The following NFYB variants were observed in gnomAD, a reference collection of about 807,000 sequenced individuals.
NFYB encodes nuclear transcription factor Y subunit beta, also known as CAAT box DNA-binding protein subunit B.
A neutral mutation model predicts 28.0 loss-of-function variants in NFYB; 13 were observed. That is an observed-to-expected ratio of 0.46 (90% CI 0.30 to 0.74). NFYB has a LOEUF of 0.74. NFYB is among the 30% of genes least tolerant of loss of function. The probability of loss-of-function intolerance (pLI) is 0.07; values close to 1 mark genes in which losing one functional copy is unlikely to be tolerated. For missense variants in NFYB, 142 were observed against 247.6 expected (o/e 0.57, Z 2.86); for synonymous variants, 74 against 75.0 (o/e 0.99, Z 0.07).
chr12:104,128,030 T>C (rs1357173620), intron 3 of NFYB, among the ~76,000 whole-genome samples: 2 of 152,128 alleles, frequency 1.3e-5, no homozygotes, highest in Non-Finnish European at 2.9e-5. Context: ...TAATATTGAA[T>C]GAAAACCAAA....
chr12:104,133,148 G>A (rs2030985209), intron 2 of NFYB, among the ~76,000 whole-genome samples: 1 of 151,892 alleles, frequency 6.6e-6, no homozygotes, highest in Non-Finnish European at 1.5e-5. Context: ...TACATTTATT[G>A]AACACTTTCT....
At position 104,135,439 on chromosome 12, in the gene NFYB, T is replaced by C; in HGVS notation, c.6+9A>G. 6.3e-7 allele frequency: 1 copy of C among 1,587,068 alleles called. No homozygotes were observed. Among genetic ancestry groups the C allele is most frequent in the Non-Finnish European group, 8.5e-7 (1 of 1,170,150 alleles). Reference sequence around the variant, plus strand: ...CTAATTAACAACCAAAATGGTAAAATATACTTACTGTCATGAAATACTGTC... The same window carrying C: ...CTAATTAACAACCAAAATGGTAAAACATACTTACTGTCATGAAATACTGTC... On this transcript the variant is annotated intron_variant, in intron 2 of 7. Coordinates refer to ENST00000240055, the MANE Select transcript of NFYB (RefSeq NM_006166.4).
chr12:104,127,474 A>C (rs181736447), intron 3 of NFYB, among the ~76,000 whole-genome samples: 94 of 152,008 alleles, frequency 6.2e-4, no homozygotes, highest in Non-Finnish European at 1.1e-3. Context: ...AGGCTGAGGC[A>C]GGAGAATTGC....
In NFYB at chr12:104,123,241, A is replaced by T; in HGVS notation, c.414T>A (p.Leu138=). 6.2e-7 allele frequency: 1 copy of T among 1,610,522 alleles called. No homozygotes were observed. The highest frequency in any genetic ancestry group is 8.5e-7 in the Non-Finnish European group (1 of 1,178,478). The change falls in exon 5 of 8, where the codon CTT becomes CTA. Residue 138 remains leucine (L), a synonymous_variant. Transcript: ENST00000240055. ...DSYVEPLKLY[L]QKFREAMKGE... ...TTTTATTTACCTCTCTGAATTTCTG[A>T]AGGTATAATTTCAGAGGTTCCACAT...
At chr12:104,130,262 TA>T (rs1241844884) in intron 2 of NFYB, among the ~76,000 whole-genome samples, 1 of 152,204 alleles carries the variant, frequency 6.6e-6, no homozygotes, top group African/African-American at 2.4e-5. Flanking sequence ...AGTATAAACT[TA>T]ATGTTATTAA....
chr12:104,120,325 G>A, intron 7 of NFYB, 75 bp downstream of exon 7: 1 of 1,262,238 alleles, frequency 7.9e-7, no homozygotes, highest in African/African-American at 1.5e-5. Context: ...AAGGTGCTGG[G>A]ATTACAGGCA....
At chr12:104,137,941 C>A (rs1196704664) in intron 1 of NFYB, 200 bp downstream of exon 1, 2 of 145,846 alleles carry the variant, frequency 1.4e-5, no homozygotes, top group African/African-American at 2.5e-5. Flanking sequence ...GCCCCGCGCC[C>A]GCTCCCCGGC....
At chr12:104,131,614 A>G (rs1163257026) in intron 2 of NFYB, 1 of 388,260 alleles carries the variant, frequency 2.6e-6, no homozygotes, top group Non-Finnish European at 5.1e-6. Context: ...TATATATAAG[A>G]ATGATGGAAA....
At chr12:104,121,349 G>C (rs1328148138) in intron 5 of NFYB, 28 bp from the exon 6 acceptor site, 1 of 1,555,236 alleles carries the variant, frequency 6.4e-7, no homozygotes, top group Admixed American at 1.8e-5. Flanking sequence ...AAAAGTCACT[G>C]ATATTCAAAT....
intron 3 of NFYB, among the ~76,000 whole-genome samples, chr12:104,126,581 C>A (rs935212761): frequency 6.6e-6 from 1 of 152,148 alleles, no homozygotes; most frequent in African/African-American, 2.4e-5. Flanking sequence ...TATGCCTTTT[C>A]TCTTACACAT....
At chr12:104,120,543 T>C (rs1452294143) in intron 6 of NFYB, 64 bp from the exon 7 acceptor site, 1 of 1,160,380 alleles carries the variant, frequency 8.6e-7, no homozygotes, top group African/African-American at 1.5e-5. Context: ...GGTTGTATCT[T>C]AAGGTTGTAC....
intron 7 of NFYB, 136 bp from the exon 8 acceptor site, chr12:104,119,905 TCTC>T (rs768400822): frequency 2.6e-5 from 16 of 616,700 alleles, no homozygotes; most frequent in Non-Finnish European, 4.0e-5. Flanking sequence ...TTTCTAGAAA[TCTC>T]CTATGCAAAT....
rs1820224356 is a variant in NFYB at position 104,119,006 on chromosome 12, T to G, written c.*731A>C. The G allele has an allele frequency of 6.6e-6, 1 of 152,234 alleles. No homozygotes were observed. The highest frequency in any genetic ancestry group is 2.1e-4 in the South Asian group (1 of 4,834). The allele number at this position is 152,234 out of a possible 1,614,324, so 9.4% of individuals were successfully genotyped here. A position where few individuals can be genotyped will look rare whatever the true frequency, so the allele number is the denominator to read the frequency against. ...CATTAAACTTAAATATATTCCCACATTCTTAAAAATGTAACTCAAAACCAA... is the reference window on the plus strand; with the variant it reads ...CATTAAACTTAAATATATTCCCACAGTCTTAAAAATGTAACTCAAAACCAA... On this transcript the variant is annotated 3_prime_UTR_variant, in exon 8 of 8. Coordinates refer to ENST00000240055, the MANE Select transcript of NFYB (RefSeq NM_006166.4).
chr12:104,129,957 A>AT (rs1200232962), intron 2 of NFYB, among the ~76,000 whole-genome samples: 1 of 152,170 alleles, frequency 6.6e-6, no homozygotes, highest in Non-Finnish European at 1.5e-5. Context: ...TAAAATTCCT[A>AT]TTTTAAAAAA....
rs1004476653 is a variant in NFYB at position 104,128,620 on chromosome 12, T to C, written c.7-103A>G. The C allele has an allele frequency of 7.4e-6, 5 of 679,208 alleles. No individual in the cohort carries two copies. In the South Asian group the frequency reaches 7.9e-5, roughly 11 times the overall value. 42.1% of individuals were successfully genotyped at this position (679,208 alleles called of 1,614,324 possible). On this transcript the variant is annotated intron_variant, in intron 2 of 7. Coordinates refer to ENST00000240055, the MANE Select transcript of NFYB (RefSeq NM_006166.4). ...ACAGGATGATGCATCAATTATACTTTTCATAGCCTTAAGCTTACTAAAAGA... is the reference window on the plus strand; with the variant it reads ...ACAGGATGATGCATCAATTATACTTCTCATAGCCTTAAGCTTACTAAAAGA...
In NFYB at chr12:104,120,384, A is replaced by T. The variant is rs1038470278; in HGVS notation, c.591+16T>A. ...CAATCAAATTTTTTAAGCATTTAAA[A>T]TACAAAGGACTGTACCTGTTGATAT... On this transcript the variant is annotated intron_variant, in intron 7 of 7. Transcript: ENST00000240055. The T allele has an allele frequency of 6.2e-7, 1 of 1,603,506 alleles. No homozygotes were observed. The highest frequency in any genetic ancestry group is 1.3e-5 in the African/African-American group (1 of 74,688).
In NFYB at chr12:104,128,496, T is replaced by C; in HGVS notation, c.28A>G (p.Thr10Ala). The C allele has an allele frequency of 4.3e-6, 7 of 1,612,518 alleles. No individual in the cohort carries two copies. The highest frequency in any genetic ancestry group is 5.9e-6 in the Non-Finnish European group (7 of 1,178,974). MTMDGDSST[T>A]DASQLGISAD... ...GAGATTCCTAGTTGAGAAGCATCTG[T>C]TGTAGAACTGTCACCATCCATCTAT... The change falls in exon 3 of 8, where the codon ACA (threonine) becomes GCA (alanine). Residue 10 changes from threonine to alanine, a missense_variant. Coordinates refer to ENST00000240055, the MANE Select transcript of NFYB (RefSeq NM_006166.4).
intron 5 of NFYB, 49 bp downstream of exon 5, chr12:104,123,175 CAA>C (rs376212712): frequency 1.6e-4 from 181 of 1,109,624 alleles, no homozygotes; most frequent in Non-Finnish European, 1.8e-4. Context: ...TACTCCACCT[CAA>C]AAAAAAAAAG....
At position 104,138,171 on chromosome 12, in the gene NFYB, C is replaced by T. The variant is rs1191182761; in HGVS notation, c.-110G>A. 2.0e-5 allele frequency: 3 copies of T among 148,584 alleles called. No homozygotes were observed. The highest frequency in any genetic ancestry group is 1.5e-5 in the Non-Finnish European group (1 of 66,578). The allele number at this position is 148,584 out of a possible 1,614,324, so 9.2% of individuals were successfully genotyped here. A position where few individuals can be genotyped will look rare whatever the true frequency, so the allele number is the denominator to read the frequency against. ...ATGCAGCCCTGGTTGGCTCCCGTCT[C>T]CAATCGGCTGTTTGGTTGGACAGAA... is the stretch of plus-strand genomic sequence containing the variant. On this transcript the variant is annotated 5_prime_UTR_variant, in exon 1 of 8. Transcript: ENST00000240055.
Sources: gnomAD v4.1 joint callset for allele counts (sites outside exome capture counted in the v4.1 genomes callset) on GRCh38, gnomAD v4.1.1 for gene constraint, MANE v1.5 for transcripts, NCBI Gene and HGNC (gene_info 2026-07-23, HGNC 2026-07-21) for gene names.